PRKCA: variants seen among roughly 807,000 people sequenced by gnomAD.
PRKCA encodes the protein protein kinase C alpha.
Under a neutral mutation model 87.0 loss-of-function variants are expected in PRKCA, and 27 were observed. The ratio of observed to expected loss-of-function variants is 0.31; its 90% CI spans 0.23 to 0.43. The LOEUF is 0.43. PRKCA is among the 20% of genes least tolerant of loss of function. PRKCA has a pLI of 1.00. For synonymous variants in PRKCA, 329 were observed against 311.1 expected (o/e 1.06, Z -0.61); for missense variants, 518 against 852.3 (o/e 0.61, Z 4.88).
chr17:66,488,951 C>G (rs1916100323), intron 2 of PRKCA, among the ~76,000 whole-genome samples: 1 of 152,090 alleles, frequency 6.6e-6, no homozygotes, highest in African/African-American at 2.4e-5. Context: ...TCATTACTTT[C>G]CCTACAAAGC....
intron 4 of PRKCA, among the ~76,000 whole-genome samples, chr17:66,643,194 C>T (rs1402214809): frequency 1.3e-5 from 2 of 152,198 alleles, no homozygotes; most frequent in Non-Finnish European, 2.9e-5. Context: ...GTGTTACATA[C>T]TCAACCTTCA....
chr17:66,651,029 T>C (rs925745318), intron 5 of PRKCA, among the ~76,000 whole-genome samples: 1 of 151,608 alleles, frequency 6.6e-6, no homozygotes, highest in Non-Finnish European at 1.5e-5. Flanking sequence ...GTACCTGCAG[T>C]GGGAGTTTGG....
At chr17:66,657,106 G>A (rs1971755966) in intron 5 of PRKCA, among the ~76,000 whole-genome samples, 1 of 152,160 alleles carries the variant, frequency 6.6e-6, no homozygotes. Flanking sequence ...AGATAAGTTA[G>A]CTCCTGAGCT....
intron 9 of PRKCA, among the ~76,000 whole-genome samples, chr17:66,733,959 A>T (rs1973964154): frequency 6.6e-6 from 1 of 152,250 alleles, no homozygotes; most frequent in Non-Finnish European, 1.5e-5. Context: ...TTCTCTGTCC[A>T]GTCCAAGTCA....
intron 13 of PRKCA, among the ~76,000 whole-genome samples, chr17:66,760,371 C>T (rs868387976): frequency 8.6e-5 from 13 of 151,776 alleles, no homozygotes; most frequent in Non-Finnish European, 8.8e-5. Context: ...AACGTAGATA[C>T]GACTTATCAA....
intron 13 of PRKCA, among the ~76,000 whole-genome samples, chr17:66,746,639 C>T (rs543933970): frequency 1.6e-4 from 24 of 152,098 alleles, no homozygotes; most frequent in Non-Finnish European, 2.6e-4. Flanking sequence ...AATACCTTAG[C>T]GTCTCCTTAG....
chr17:66,642,130 G>A (rs1598838575), intron 4 of PRKCA, among the ~76,000 whole-genome samples: 1 of 151,548 alleles, frequency 6.6e-6, no homozygotes, highest in East Asian at 1.9e-4. Context: ...TCTTTGCTTT[G>A]ATCATTTTTT....
intron 3 of PRKCA, among the ~76,000 whole-genome samples, chr17:66,606,476 A>G (rs1970212162): frequency 1.3e-5 from 2 of 152,226 alleles, no homozygotes; most frequent in Non-Finnish European, 2.9e-5. Context: ...ATACGAATGT[A>G]TAAGGACCCC....
intron 2 of PRKCA, among the ~76,000 whole-genome samples, chr17:66,345,531 G>A (rs1040773300): frequency 2.0e-5 from 3 of 152,160 alleles, no homozygotes; most frequent in African/African-American, 7.2e-5. Context: ...CCTCCCGAGG[G>A]ATGCATTCCC....
At chr17:66,461,335 G>T (rs1266114779) in intron 2 of PRKCA, among the ~76,000 whole-genome samples, 1 of 151,882 alleles carries the variant, frequency 6.6e-6, no homozygotes, top group East Asian at 1.9e-4. Context: ...CTTCTAACCA[G>T]ACTTCTTCCA....
intron 2 of PRKCA, among the ~76,000 whole-genome samples, chr17:66,478,035 C>T (rs902727822): frequency 2.0e-5 from 3 of 152,150 alleles, no homozygotes; most frequent in Admixed American, 6.5e-5. Flanking sequence ...TAAGGACGTG[C>T]GCCCAGGAGA....
chr17:66,406,064 T>C (rs1339650632), intron 2 of PRKCA, among the ~76,000 whole-genome samples: 4 of 152,178 alleles, frequency 2.6e-5, no homozygotes. Context: ...ATCATCGAGT[T>C]AGTGGGTTGA....
chr17:66,690,649 G>A (rs111481700), intron 8 of PRKCA, among the ~76,000 whole-genome samples: 2,797 of 152,068 alleles, frequency 0.018, 42 homozygotes, highest in Non-Finnish European at 0.03. Context: ...CCAACATGGC[G>A]AAACCCAATC....
chr17:66,718,658 C>G (rs183386038), intron 8 of PRKCA, among the ~76,000 whole-genome samples: 1 of 152,272 alleles, frequency 6.6e-6, no homozygotes, highest in East Asian at 1.9e-4. Context: ...TAATCCCATT[C>G]GTGAGGGATC....
At chr17:66,616,500 C>T (rs1450630319) in intron 3 of PRKCA, among the ~76,000 whole-genome samples, 2 of 152,166 alleles carry the variant, frequency 1.3e-5, no homozygotes, top group African/African-American at 2.4e-5. Flanking sequence ...TGTCGAGTAT[C>T]TGCTGTGCCC....
rs1419259818 is a variant in PRKCA, at chr17:66,805,492, G to A, written c.*1455G>A. Reference sequence around the variant, plus strand: ...CTCCCTGCACATGGGCACTGTATCAGATAGATTACTTTTTAAATGTAGATA... The same window carrying A: ...CTCCCTGCACATGGGCACTGTATCAAATAGATTACTTTTTAAATGTAGATA... On this transcript the variant is annotated 3_prime_UTR_variant, in exon 17 of 17. Coordinates refer to ENST00000413366, the MANE Select transcript of PRKCA (RefSeq NM_002737.3). 6.6e-6 allele frequency: 1 copy of A among 152,360 alleles called. No homozygotes were observed. Among genetic ancestry groups the A allele is most frequent in the Non-Finnish European group, 1.5e-5 (1 of 68,050 alleles). 9.4% of individuals were successfully genotyped at this position (152,360 alleles called of 1,614,324 possible). A position where few individuals can be genotyped will look rare whatever the true frequency, so the allele number is the denominator to read the frequency against.
chr17:66,307,735 T>C (rs1904896913), intron 2 of PRKCA, among the ~76,000 whole-genome samples: 1 of 152,148 alleles, frequency 6.6e-6, no homozygotes, highest in Non-Finnish European at 1.5e-5. Context: ...CTTGAACTTT[T>C]AGTGGATTAG....
chr17:66,436,311 T>C (rs1489912651), intron 2 of PRKCA, among the ~76,000 whole-genome samples: 1 of 152,204 alleles, frequency 6.6e-6, no homozygotes, highest in Non-Finnish European at 1.5e-5. Flanking sequence ...TTCTGGACTC[T>C]GCAATCATCT....
chr17:66,570,560 A>C (rs995881663), intron 3 of PRKCA, among the ~76,000 whole-genome samples: 4 of 152,176 alleles, frequency 2.6e-5, no homozygotes, highest in Non-Finnish European at 5.9e-5. Context: ...TGAGAGGAGG[A>C]GGCGGTGCCA....
Sources: gnomAD v4.1 joint callset for allele counts (sites outside exome capture counted in the v4.1 genomes callset) on GRCh38, gnomAD v4.1.1 for gene constraint, MANE v1.5 for transcripts, NCBI Gene and HGNC (gene_info 2026-07-23, HGNC 2026-07-21) for gene names.